The following OR2C3 variants were observed in gnomAD, a reference collection of about 807,000 sequenced individuals.
OR2C3 encodes olfactory receptor family 2 subfamily C member 3.
For synonymous variants in OR2C3, 178 were observed against 163.4 expected, an observed-to-expected ratio of 1.09 and a Z score of -0.68; for missense variants, 425 against 401.5, an observed-to-expected ratio of 1.06 and a Z score of -0.50.
rs1005588991 is a variant in OR2C3, at chr1:247,529,389, A to T, written c.*2160T>A. The T allele has an allele frequency of 2.6e-5, 4 of 152,206 alleles. No homozygotes were observed. The highest frequency in any genetic ancestry group is 9.7e-5 in the African/African-American group (4 of 41,450). The allele number at this position is 152,206 out of a possible 1,614,324, so 9.4% of individuals were successfully genotyped here. ...CAGAAGCAGTGGGCTTGACTGAATG[A>T]TGGAATGGGCTTTATTGAATGATGG... On this transcript the variant is annotated 3_prime_UTR_variant, in exon 3 of 3. Coordinates refer to ENST00000641802, the MANE Select transcript of OR2C3 (RefSeq NM_198074.6).
intron 1 of OR2C3, among the ~76,000 whole-genome samples, chr1:247,534,718 A>G (rs1667148662): frequency 6.6e-6 from 1 of 152,238 alleles, no homozygotes; most frequent in Admixed American, 6.5e-5. Flanking sequence ...CAGCCTTCTT[A>G]AAATCCCAGA....
chr1:247,532,053 AC>A lies in OR2C3; in HGVS notation c.458del (p.Gly153ValfsTer2), dbSNP rs745467477. On this transcript the variant is annotated frameshift_variant, in exon 3 of 3. Transcript: ENST00000641802. LOFTEE classifies it low-confidence loss of function (END_TRUNC). ...TGGAGCCCACCATGCTGGTGGTCAG[AC>A]CCCCCAGCCAGGAGGCCAAAGCTAG... ...LGLALASWLGGLTTSMVGSTL... is the reference protein window; with the variant it reads ...LGLALASWLGXLTTSMVGSTL... 5.6e-6 allele frequency: 9 copies of A among 1,613,602 alleles called. No homozygotes were observed. Among genetic ancestry groups the A allele is most frequent in the East Asian group, 4.5e-5 (2 of 44,852 alleles).
rs1364764488 is a variant in OR2C3, at chr1:247,532,560, C to T, written c.-29-20G>A. Reference sequence around the variant, plus strand: ...GGCCACCTGTGGGAAGAGCACAGGGCATACAGGGCATGAGACATGAAGCAA... The same window carrying T: ...GGCCACCTGTGGGAAGAGCACAGGGTATACAGGGCATGAGACATGAAGCAA... On this transcript the variant is annotated intron_variant, in intron 2 of 2. Coordinates refer to ENST00000641802, the MANE Select transcript of OR2C3 (RefSeq NM_198074.6). 1 of 1,562,152 alleles carries T rather than the reference C, an allele frequency of 6.4e-7. No homozygotes were observed. Among genetic ancestry groups the T allele is most frequent in the Non-Finnish European group, 8.7e-7 (1 of 1,148,828 alleles).
Position 247,527,265 on chromosome 1 carries a change from A to G in OR2C3, c.*4284T>C, listed in dbSNP as rs532119123. 3 of 352,424 alleles carry G rather than the reference A, an allele frequency of 8.5e-6. No homozygotes were observed. The highest frequency in any genetic ancestry group is 4.4e-5 in the South Asian group (2 of 45,590). The allele number at this position is 352,424 out of a possible 1,614,324, so 21.8% of individuals were successfully genotyped here. A position where few individuals can be genotyped will look rare whatever the true frequency, so the allele number is the denominator to read the frequency against. ...CAGGGCAAAGCACAGTGCTGTCCTC[A>G]TGGTTCTGGGAGGGTCTGCGTTGTC... is the stretch of plus-strand genomic sequence containing the variant. On this transcript the variant is annotated 3_prime_UTR_variant, in exon 3 of 3. Transcript: ENST00000641802. The surrounding 1 kb of genome is among the most constrained non-coding windows in gnomAD (Gnocchi z 4.6).
rs1475553240 is a variant in OR2C3 at position 247,529,382 on chromosome 1, C to T, written c.*2167G>A. 3 of 152,170 alleles carry T rather than the reference C, an allele frequency of 2.0e-5. No homozygotes were observed. The highest frequency in any genetic ancestry group is 7.2e-5 in the African/African-American group (3 of 41,440). 9.4% of individuals were successfully genotyped at this position (152,170 alleles called of 1,614,324 possible). A position where few individuals can be genotyped will look rare whatever the true frequency, so the allele number is the denominator to read the frequency against. The stretch of plus-strand genomic sequence containing the variant: ...CAATATTCAGAAGCAGTGGGCTTGA[C>T]TGAATGATGGAATGGGCTTTATTGA... On this transcript the variant is annotated 3_prime_UTR_variant, in exon 3 of 3. Transcript: ENST00000641802.
At position 247,527,968 on chromosome 1, in the gene OR2C3, C is replaced by T. The variant is rs1666748505; in HGVS notation, c.*3581G>A. The stretch of plus-strand genomic sequence containing the variant: ...ATGAGATCAACCCTTTTTTAGCTTT[C>T]ACAGATGAATGAGAACATGCAGTAT... On this transcript the variant is annotated 3_prime_UTR_variant, in exon 3 of 3. Coordinates refer to ENST00000641802, the MANE Select transcript of OR2C3 (RefSeq NM_198074.6). The surrounding 1 kb of genome is among the most constrained non-coding windows in gnomAD (Gnocchi z 4.6). 6.6e-6 allele frequency: 1 copy of T among 152,058 alleles called. No homozygotes were observed. Among genetic ancestry groups the T allele is most frequent in the Non-Finnish European group, 1.5e-5 (1 of 68,016 alleles). The allele number at this position is 152,058 out of a possible 1,614,324, so 9.4% of individuals were successfully genotyped here. A position where few individuals can be genotyped will look rare whatever the true frequency, so the allele number is the denominator to read the frequency against.
chr1:247,534,206 G>A (rs12029308), intron 1 of OR2C3, among the ~76,000 whole-genome samples: 33,210 of 151,866 alleles, frequency 0.22, 4,573 homozygotes, highest in East Asian at 0.44. Context: ...TACCCGTCTC[G>A]CTCCACTAGA....
rs1326765333 is a variant in OR2C3 at position 247,529,346 on chromosome 1, A to G, written c.*2203T>C. On this transcript the variant is annotated 3_prime_UTR_variant, in exon 3 of 3. Transcript: ENST00000641802. ...ATTGCCCTTGGAATTCATGATTCAT[A>G]CTTCATACCTCAATATTCAGAAGCA... The G allele has an allele frequency of 2.0e-5, 3 of 152,228 alleles. No individual in the cohort carries two copies. The highest frequency in any genetic ancestry group is 2.0e-4 in the Admixed American group (3 of 15,284). The allele number at this position is 152,228 out of a possible 1,614,324, so 9.4% of individuals were successfully genotyped here. A position where few individuals can be genotyped will look rare whatever the true frequency, so the allele number is the denominator to read the frequency against.
At chr1:247,535,710 TG>T (rs1023534396) in intron 1 of OR2C3, among the ~76,000 whole-genome samples, 64 of 152,224 alleles carry the variant, frequency 4.2e-4, no homozygotes, top group African/African-American at 1.5e-3. Flanking sequence ...CTTCTAGAAA[TG>T]TTTAGTAACT....
rs1558241653 is a variant in OR2C3, at chr1:247,531,448, A to C, written c.*101T>G. 8.1e-7 allele frequency: 1 copy of C among 1,230,614 alleles called. No individual in the cohort carries two copies. The highest frequency in any genetic ancestry group is 1.1e-6 in the Non-Finnish European group (1 of 875,326). The allele number at this position is 1,230,614 out of a possible 1,614,324, so 76.2% of individuals were successfully genotyped here. On this transcript the variant is annotated 3_prime_UTR_variant, in exon 3 of 3. Transcript: ENST00000641802. The stretch of plus-strand genomic sequence containing the variant: ...TCAGATTTCCATCTACCTTGAGCTC[A>C]AACAATATTAGAAGAAAAACGACAT...
Position 247,526,841 on chromosome 1 carries a change from A to G in OR2C3, c.*4708T>C. On this transcript the variant is annotated 3_prime_UTR_variant, in exon 3 of 3. Coordinates refer to ENST00000641802, the MANE Select transcript of OR2C3 (RefSeq NM_198074.6). The surrounding 1 kb of genome is among the most constrained non-coding windows in gnomAD (Gnocchi z 4.8). The stretch of plus-strand genomic sequence containing the variant: ...CATCGAAAGACAAGTGGTGTCCAAT[A>G]TGGCATGTTAGCATTTTCCTCTTCA... 1 of 393,982 alleles carries G rather than the reference A, an allele frequency of 2.5e-6. No individual in the cohort carries two copies. The highest frequency in any genetic ancestry group is 5.0e-6 in the Non-Finnish European group (1 of 200,072). The allele number at this position is 393,982 out of a possible 1,614,324, so 24.4% of individuals were successfully genotyped here. A position where few individuals can be genotyped will look rare whatever the true frequency, so the allele number is the denominator to read the frequency against.
In OR2C3 at chr1:247,526,192, C is replaced by T. The variant is rs1226469842; in HGVS notation, c.*5357G>A. 6.6e-6 allele frequency: 1 copy of T among 152,174 alleles called. No homozygotes were observed. 9.4% of individuals were successfully genotyped at this position (152,174 alleles called of 1,614,324 possible). On this transcript the variant is annotated 3_prime_UTR_variant, in exon 3 of 3. Coordinates refer to ENST00000641802, the MANE Select transcript of OR2C3 (RefSeq NM_198074.6). The surrounding 1 kb of genome is among the most constrained non-coding windows in gnomAD (Gnocchi z 4.8). ...AATTTATTTGCCAAGAAATCTTGAG[C>T]CTGCTATTCCCTGGGTTAGTTTCTG...
chr1:247,532,221 C>A lies in OR2C3; in HGVS notation c.291G>T (p.Gly97=), dbSNP rs1380315620. Residue 97 remains glycine, a synonymous_variant, in exon 3 of 3, where the codon GGG becomes GGT. Coordinates refer to ENST00000641802, the MANE Select transcript of OR2C3 (RefSeq NM_198074.6). ...WGPQKTISYG[G]CVVQFYISHW... ...GGGAGATATAGAACTGGACCACACA[C>A]CCTCCATAGCTTATGGTTTTCTGTG... 1 of 1,614,168 alleles carries A rather than the reference C, an allele frequency of 6.2e-7. No individual in the cohort carries two copies. The highest frequency in any genetic ancestry group is 1.1e-5 in the South Asian group (1 of 91,072).
In OR2C3 at chr1:247,530,847, TCC is replaced by T. The variant is rs1666911182; in HGVS notation, c.*700_*701del. On this transcript the variant is annotated 3_prime_UTR_variant, in exon 3 of 3. Transcript: ENST00000641802. ...CCTCGCCCTCCACAGCCTAACGGCC[TCC>T]GGGCGCATTTGGGCGGCGCCATGTT... The T allele has an allele frequency of 1.5e-5, 1 of 67,352 alleles. No individual in the cohort carries two copies. The highest frequency in any genetic ancestry group is 3.4e-5 in the Non-Finnish European group (1 of 29,246). The allele number at this position is 67,352 out of a possible 1,614,324, so 4.2% of individuals were successfully genotyped here.
rs753436393 is a variant in OR2C3, at chr1:247,531,810, C to A, written c.702G>T (p.Gly234=). ...AACAGGTGTTGAATGCCTTTCTCCG[C>A]CCTTCTGCTGACCTGATCTTCAACA... The part of the protein sequence containing the change: ...RAVLKIRSAE[G]RRKAFNTCSS... The change falls in exon 3 of 3, where the codon GGG becomes GGT. Residue 234 remains glycine (G), a synonymous_variant. Transcript: ENST00000641802. The A allele has an allele frequency of 6.2e-6, 10 of 1,614,068 alleles. No individual in the cohort carries two copies. The African/African-American group carries it at 1.2e-4, about 19-fold the overall frequency.
chr1:247,535,595 C>A (rs182710009), intron 1 of OR2C3, among the ~76,000 whole-genome samples: 1 of 152,260 alleles, frequency 6.6e-6, no homozygotes, highest in East Asian at 1.9e-4. Context: ...TGATAACATG[C>A]AGAAAATGTG....
Position 247,532,204 on chromosome 1 carries a change from T to C in OR2C3, c.308A>G (p.Tyr103Cys), listed in dbSNP as rs567156825. 8 of 1,614,112 alleles carry C rather than the reference T, an allele frequency of 5.0e-6. No homozygotes were observed. The highest frequency in any genetic ancestry group is 2.7e-5 in the African/African-American group (2 of 75,020). ...GGTTGCCCCCAGCCAATGGGAGATA[T>C]AGAACTGGACCACACACCCTCCATA... ...ISYGGCVVQF[Y>C]ISHWLGATEC... The change falls in exon 3 of 3, where the codon TAT (tyrosine) becomes TGT (cysteine). Residue 103 changes from tyrosine (Y) to cysteine (C), a missense_variant. Transcript: ENST00000641802.
chr1:247,532,324 AAG>A lies in OR2C3; in HGVS notation c.186_187del (p.Phe63SerfsTer22). 1 of 1,614,186 alleles carries A rather than the reference AAG, an allele frequency of 6.2e-7. No individual in the cohort carries two copies. The highest frequency in any genetic ancestry group is 8.5e-7 in the Non-Finnish European group (1 of 1,180,012). On this transcript the variant is annotated frameshift_variant, in exon 3 of 3. Transcript: ENST00000641802. LOFTEE classifies it low-confidence loss of function (END_TRUNC). Reference sequence around the variant, plus strand: ...GTCCAGGAAGGGGAGGTTGGCAAGAAAGAAGTACATAGGTGTGTGGAGGTGCA... The same window carrying A: ...GTCCAGGAAGGGGAGGTTGGCAAGAAAAGTACATAGGTGTGTGGAGGTGCA...
chr1:247,530,100 CCTGA>C lies in OR2C3; in HGVS notation c.*1445_*1448del, dbSNP rs1473590005. ...TTTTGGTTCTGTTTCTCTGGAGAAC[CCTGA>C]CTAATACAGTGAATTGGAAGATCCT... is the stretch of plus-strand genomic sequence containing the variant. On this transcript the variant is annotated 3_prime_UTR_variant, in exon 3 of 3. Transcript: ENST00000641802. 2.0e-5 allele frequency: 3 copies of C among 151,590 alleles called. No homozygotes were observed. The highest frequency in any genetic ancestry group is 7.3e-5 in the African/African-American group (3 of 41,214). 9.4% of individuals were successfully genotyped at this position (151,590 alleles called of 1,614,324 possible). A position where few individuals can be genotyped will look rare whatever the true frequency, so the allele number is the denominator to read the frequency against.
Sources: gnomAD v4.1 joint callset for allele counts (sites outside exome capture counted in the v4.1 genomes callset) on GRCh38, gnomAD v4.1.1 for gene constraint, Gnocchi (gnomAD v3.1) non-coding constraint, MANE v1.5 for transcripts, NCBI Gene and HGNC (gene_info 2026-07-23, HGNC 2026-07-21) for gene names.